The following TYW1 variants were observed in gnomAD, a reference collection of about 807,000 sequenced individuals.
TYW1 encodes the protein tRNA-yW synthesizing protein 1 homolog, also known as S-adenosyl-L-methionine-dependent tRNA 4-demethylwyosine synthase TYW1.
TYW1 carries 46 observed loss-of-function variants against 96.2 expected under a neutral mutation model. The ratio of observed to expected loss-of-function variants is 0.48; its 90% confidence interval spans 0.38 to 0.61. The LOEUF is 0.61. Among genes scored for constraint, TYW1 ranks in the 20% least tolerant of loss-of-function variants. TYW1 has a pLI of 0.00. For synonymous variants in TYW1, 274 were observed against 323.0 expected, an observed-to-expected ratio of 0.85 and a Z score of 1.63; for missense variants, 684 against 909.6, an observed-to-expected ratio of 0.75 and a Z score of 3.19.
rs551879257 is a variant in TYW1, at chr7:67,130,206, C to T, written c.1698+12588C>T. Among the ~76,000 whole-genome samples, 15 of 151,678 alleles carry T rather than the reference C, an allele frequency of 9.9e-5. No individual in the cohort carries two copies. In the South Asian group the frequency reaches 3.1e-3, roughly 32 times the overall value. On this transcript the variant is annotated intron_variant, in intron 13 of 15. Transcript: ENST00000359626. The stretch of plus-strand genomic sequence containing the variant: ...GACCAGCCTGGCAAACACAGTGAAA[C>T]CCCATCTCTACTACAAATACAAAAA...
At chr7:67,009,537 T>C in intron 3 of TYW1, 46 bp from the exon 4 acceptor site, 1 of 1,555,564 alleles carries the variant, frequency 6.4e-7, no homozygotes, top group Non-Finnish European at 8.8e-7. Context: ...AGGGTTATAT[T>C]TGGCTCATTG....
intron 7 of TYW1, among the ~76,000 whole-genome samples, chr7:67,036,270 C>G (rs1337171290): frequency 6.6e-6 from 1 of 151,162 alleles, no homozygotes; most frequent in Non-Finnish European, 1.5e-5. Flanking sequence ...CTGCTGGGGA[C>G]TGGTATTATG....
At chr7:67,111,382 G>A (rs926870866) in intron 12 of TYW1, among the ~76,000 whole-genome samples, 1 of 152,130 alleles carries the variant, frequency 6.6e-6, no homozygotes, top group Non-Finnish European at 1.5e-5. Context: ...TGTATTTTTA[G>A]AAGAGACAGG....
intron 12 of TYW1, among the ~76,000 whole-genome samples, chr7:67,106,838 A>G (rs1369682166): frequency 6.6e-6 from 1 of 152,248 alleles, no homozygotes; most frequent in African/African-American, 2.4e-5. Flanking sequence ...TATCATAAGA[A>G]GACAGAGCTG....
chr7:67,116,856 TG>T (rs1290074054), intron 12 of TYW1, among the ~76,000 whole-genome samples: 7 of 152,196 alleles, frequency 4.6e-5, no homozygotes, highest in Non-Finnish European at 1.0e-4. Context: ...TTTTTTCTTC[TG>T]GGCTGTGGTC....
At chr7:67,112,838 A>G (rs1468114322) in intron 12 of TYW1, among the ~76,000 whole-genome samples, 1 of 152,078 alleles carries the variant, frequency 6.6e-6, no homozygotes, top group Non-Finnish European at 1.5e-5. Flanking sequence ...CTGGCTTTTT[A>G]ATCCATCCAT....
At chr7:67,220,862 C>T (rs1371589951) in intron 15 of TYW1, among the ~76,000 whole-genome samples, 9 of 152,116 alleles carry the variant, frequency 5.9e-5, no homozygotes, top group Non-Finnish European at 1.2e-4. Flanking sequence ...CTCAGCCCCC[C>T]GAGTAGCTGG....
intron 4 of TYW1, among the ~76,000 whole-genome samples, chr7:67,013,259 A>T (rs555778573): frequency 5.3e-5 from 8 of 151,974 alleles, no homozygotes; most frequent in Non-Finnish European, 1.0e-4. Flanking sequence ...AGTAGCTGGA[A>T]CTACAGGCAC....
At chr7:67,202,414 CAG>C (rs1394811913) in intron 15 of TYW1, among the ~76,000 whole-genome samples, 2 of 152,010 alleles carry the variant, frequency 1.3e-5, no homozygotes, top group African/African-American at 4.8e-5. Flanking sequence ...ATTTTGGAGA[CAG>C]GGTCTCATCT....
intron 15 of TYW1, among the ~76,000 whole-genome samples, chr7:67,197,305 A>G (rs1217890183): frequency 6.7e-6 from 1 of 150,032 alleles, no homozygotes; most frequent in Non-Finnish European, 1.5e-5. Context: ...CCTACAAGGT[A>G]GGTACTATCG....
chr7:67,089,538 C>G (rs1436724538), intron 11 of TYW1: 2 of 682,280 alleles, frequency 2.9e-6, no homozygotes. Context: ...GTTCCCACCC[C>G]ATGACAAAGA....
chr7:67,002,830 ACTTTTTCTTTTT>A (rs202134981), intron 3 of TYW1, among the ~76,000 whole-genome samples: 3 of 138,266 alleles, frequency 2.2e-5, no homozygotes, highest in African/African-American at 5.3e-5. Context: ...ATTTTTTGTA[ACTTTTTCTTTTT>A]CTTTTTCTTT....
At chr7:67,207,035 C>A (rs1036316021) in intron 15 of TYW1, among the ~76,000 whole-genome samples, 2 of 152,146 alleles carry the variant, frequency 1.3e-5, no homozygotes, top group Non-Finnish European at 2.9e-5. Context: ...ATTTCTTTGG[C>A]CAGAAACGCC....
intron 13 of TYW1, among the ~76,000 whole-genome samples, chr7:67,172,800 C>T (rs1799555936): frequency 6.6e-6 from 1 of 152,078 alleles, no homozygotes; most frequent in African/African-American, 2.4e-5. Context: ...TTTCCTATGT[C>T]TCTTCTTCCA....
At chr7:67,108,515 C>T (rs915946369) in intron 12 of TYW1, among the ~76,000 whole-genome samples, 1 of 150,192 alleles carries the variant, frequency 6.7e-6, no homozygotes, top group African/African-American at 2.5e-5. Context: ...AATCTTGGCT[C>T]ACTGCAGCCG....
intron 10 of TYW1, among the ~76,000 whole-genome samples, chr7:67,070,911 C>T (rs1403255760): frequency 6.6e-6 from 1 of 151,942 alleles, no homozygotes; most frequent in Non-Finnish European, 1.5e-5. Flanking sequence ...GTGGGCAGCT[C>T]ACGAGATCAG....
intron 13 of TYW1, among the ~76,000 whole-genome samples, chr7:67,149,016 G>T (rs6460330): frequency 1.3e-5 from 2 of 151,836 alleles, no homozygotes; most frequent in Non-Finnish European, 2.9e-5. Context: ...CCCAACCCCC[G>T]GTCTTGACTA....
intron 13 of TYW1, among the ~76,000 whole-genome samples, chr7:67,131,615 T>C (rs1015380419): frequency 2.6e-5 from 4 of 152,290 alleles, no homozygotes; most frequent in African/African-American, 9.6e-5. Context: ...GGGACAGAAC[T>C]AATAGGATAG....
chr7:67,226,279 G>A (rs1801558194), intron 15 of TYW1, among the ~76,000 whole-genome samples: 1 of 152,132 alleles, frequency 6.6e-6, no homozygotes, highest in Non-Finnish European at 1.5e-5. Context: ...GGGACCCGAT[G>A]GCCTTTGTAG....
Sources: gnomAD v4.1 joint callset for allele counts (sites outside exome capture counted in the v4.1 genomes callset) on GRCh38, gnomAD v4.1.1 for gene constraint, MANE v1.5 for transcripts, NCBI Gene and HGNC (gene_info 2026-07-23, HGNC 2026-07-21) for gene names.